ZDHHC7: variants seen among roughly 807,000 people sequenced by gnomAD.
The protein encoded by ZDHHC7 is palmitoyltransferase ZDHHC7.
Under a neutral mutation model 34.1 loss-of-function variants are expected in ZDHHC7, and 12 were observed. The ratio of observed to expected loss-of-function variants is 0.35; its 90% CI spans 0.23 to 0.57. The LOEUF is 0.57. Ranked by LOEUF, ZDHHC7 falls within the 20% of genes least tolerant of loss-of-function variation. The pLI is 0.84. For missense variants in ZDHHC7, 388 were observed against 402.7 expected (o/e 0.96, Z 0.31); for synonymous variants, 185 against 155.4 (o/e 1.19, Z -1.42).
rs371444559 is a variant in ZDHHC7 at position 84,987,950 on chromosome 16, A to G, written c.315+2354T>C. On this transcript the variant is annotated intron_variant, in intron 3 of 7. Transcript: ENST00000313732. ...TTCGGGAGGCCGAGGCGGGCAGATC[A>G]TAAGGTCAGGAGATCGAGACCATCC... Among the ~76,000 whole-genome samples the G allele has an allele frequency of 3.9e-5, 6 of 152,340 alleles. No individual in the cohort carries two copies. In the East Asian group the frequency reaches 9.7e-4, roughly 25 times the overall value.
chr16:85,015,940 T>C (rs2072832335), upstream of ZDHHC7, among the ~76,000 whole-genome samples: 1 of 152,190 alleles, frequency 6.6e-6, no homozygotes, highest in Non-Finnish European at 1.5e-5. Flanking sequence ...TTTGGTGTCA[T>C]ATGACAAAAA....
chr16:84,998,382 G>C (rs1167169335), intron 1 of ZDHHC7, among the ~76,000 whole-genome samples: 1 of 152,116 alleles, frequency 6.6e-6, no homozygotes, highest in Non-Finnish European at 1.5e-5. Flanking sequence ...GTAGGTTTCG[G>C]CTCTGGCTTC....
At chr16:84,993,792 T>C (rs569166226) in intron 2 of ZDHHC7, among the ~76,000 whole-genome samples, 1 of 152,326 alleles carries the variant, frequency 6.6e-6, no homozygotes, top group East Asian at 1.9e-4. Context: ...ATCTGTCTGC[T>C]CAACATCCCC....
chr16:85,013,513 G>T (rs952535161), upstream of ZDHHC7, among the ~76,000 whole-genome samples: 1 of 152,054 alleles, frequency 6.6e-6, no homozygotes, highest in Non-Finnish European at 1.5e-5. Flanking sequence ...AAAGTGCTGG[G>T]ATTGTAGGCA....
At chr16:84,977,304 C>T (rs2072311039) in intron 6 of ZDHHC7, 79 bp from the exon 7 acceptor site, 6 of 1,558,958 alleles carry the variant, frequency 3.8e-6, no homozygotes, top group Non-Finnish European at 5.2e-6. Flanking sequence ...GAAGAATCCT[C>T]TAGGGCCAGC....
At chr16:84,999,686 A>G (rs949085734) in intron 1 of ZDHHC7, among the ~76,000 whole-genome samples, 3 of 152,212 alleles carry the variant, frequency 2.0e-5, no homozygotes, top group Non-Finnish European at 4.4e-5. Flanking sequence ...AAGAAATCAG[A>G]ATAAGGATTT....
chr16:85,017,173 T>C, the ZDHHC7 span, among the ~76,000 whole-genome samples: 2 of 152,178 alleles, frequency 1.3e-5, no homozygotes, highest in African/African-American at 4.8e-5. Flanking sequence ...TATGTAAAAA[T>C]GTAATTACAA....
At chr16:84,998,620 G>C (rs1261853771) in intron 1 of ZDHHC7, among the ~76,000 whole-genome samples, 2 of 152,100 alleles carry the variant, frequency 1.3e-5, no homozygotes, top group African/African-American at 4.8e-5. Flanking sequence ...GGAGGTCCCT[G>C]TGCCCATCAC....
upstream of ZDHHC7, among the ~76,000 whole-genome samples, chr16:85,012,035 G>T (rs1039576482): frequency 1.3e-5 from 2 of 152,210 alleles, no homozygotes; most frequent in Non-Finnish European, 2.9e-5. Context: ...GGACACTAGA[G>T]CACCGCCACT....
chr16:85,018,204 C>T, the ZDHHC7 span, among the ~76,000 whole-genome samples: 1 of 151,974 alleles, frequency 6.6e-6, no homozygotes, highest in Admixed American at 6.6e-5. Context: ...CTGTGGCCAC[C>T]CTGGATTATT....
chr16:84,992,808 T>C (rs1350602679), intron 2 of ZDHHC7, among the ~76,000 whole-genome samples: 1 of 152,212 alleles, frequency 6.6e-6, no homozygotes, highest in African/African-American at 2.4e-5. Context: ...GTAACAGCAC[T>C]GGGTGCTGTT....
intron 3 of ZDHHC7, among the ~76,000 whole-genome samples, chr16:84,985,455 T>C (rs943795406): frequency 6.6e-6 from 1 of 152,098 alleles, no homozygotes; most frequent in Non-Finnish European, 1.5e-5. Context: ...TTATGGAAAA[T>C]GCTGGGGACG....
chr16:84,996,962 G>T (rs900209156), intron 1 of ZDHHC7, among the ~76,000 whole-genome samples: 3 of 151,370 alleles, frequency 2.0e-5, no homozygotes, highest in African/African-American at 7.3e-5. Context: ...CGAGGCGGAG[G>T]TTGCAGTAAG....
rs191916838 is a variant in ZDHHC7 at position 84,997,765 on chromosome 16, C to A, written c.-103-1758G>T. Among the ~76,000 whole-genome samples the A allele has an allele frequency of 2.6e-3, 388 of 148,458 alleles. 1 individual carries two copies. The highest frequency in any genetic ancestry group is 9.2e-3 in the African/African-American group (372 of 40,606). On this transcript the variant is annotated intron_variant, in intron 1 of 7. Transcript: ENST00000313732. ...AAAATTAGCTAGGCGTGGTGGTGGG[C>A]GCCTGTAGTCCCAGCTACTCGGGAG...
intron 3 of ZDHHC7, among the ~76,000 whole-genome samples, chr16:84,982,299 C>T (rs1301156979): frequency 2.7e-5 from 4 of 150,896 alleles, no homozygotes; most frequent in East Asian, 3.9e-4. Context: ...GAGCCAAGAT[C>T]GCGCCGTTGC....
chr16:85,019,282 G>A, the ZDHHC7 span, among the ~76,000 whole-genome samples: 3 of 151,958 alleles, frequency 2.0e-5, no homozygotes, highest in South Asian at 2.1e-4. Context: ...ATTCCTCATC[G>A]GAATGCAAGC....
chr16:84,992,745 T>A (rs1293844551), intron 2 of ZDHHC7, among the ~76,000 whole-genome samples: 1 of 152,082 alleles, frequency 6.6e-6, no homozygotes, highest in East Asian at 1.9e-4. Context: ...TTCTGAAATG[T>A]GAATAAAGGA....
chr16:85,007,721 T>C (rs928274099), intron 1 of ZDHHC7, among the ~76,000 whole-genome samples: 1 of 152,060 alleles, frequency 6.6e-6, no homozygotes, highest in Admixed American at 6.5e-5. Flanking sequence ...TTGAGAGCTC[T>C]CCCTGTGGCC....
At chr16:84,987,677 C>G (rs139022110) in intron 3 of ZDHHC7, among the ~76,000 whole-genome samples, 298 of 152,296 alleles carry the variant, frequency 2.0e-3, no homozygotes, top group Middle Eastern at 0.01. Context: ...TTTGTAACAG[C>G]CGAAAAGCAG....
Sources: allele counts gnomAD v4.1 joint callset (sites outside exome capture counted in the v4.1 genomes callset), GRCh38; gene constraint gnomAD v4.1.1; transcripts MANE v1.5; gene names NCBI Gene and HGNC (gene_info 2026-07-23, HGNC 2026-07-21).